The following ESRRG variants were observed in gnomAD, a reference collection of about 807,000 sequenced individuals.
The protein encoded by ESRRG is estrogen related receptor gamma, also known as estrogen-related receptor gamma.
In ESRRG, 13 loss-of-function variants were observed where a neutral mutation model predicts 44.0. That is an observed-to-expected ratio of 0.30 (90% CI 0.19 to 0.47). The LOEUF (loss-of-function observed/expected upper bound fraction) is 0.47, where lower values mean the gene tolerates loss of function less well. Among genes scored for constraint, ESRRG ranks in the 20% least tolerant of loss-of-function variants. The pLI, the probability that ESRRG is intolerant of heterozygous loss-of-function variation, is 1.00. For missense variants in ESRRG, 395 were observed against 580.6 expected, an observed-to-expected ratio of 0.68 and a Z score of 3.29; for synonymous variants, 215 against 214.6, an observed-to-expected ratio of 1.00 and a Z score of -0.02.
chr1:216,982,105 A>G (rs2074068951), intron 1 of ESRRG, among the ~76,000 whole-genome samples: 3 of 152,088 alleles, frequency 2.0e-5, no homozygotes, highest in African/African-American at 4.8e-5. Context: ...TGCCAGGACT[A>G]TTTTTTCCCT....
At chr1:216,854,826 G>GAA (rs11391128) in intron 2 of ESRRG, among the ~76,000 whole-genome samples, 1 of 151,738 alleles carries the variant, frequency 6.6e-6, no homozygotes, top group African/African-American at 2.4e-5. Context: ...CGGAAGGCAA[G>GAA]AAAAAAAAAT....
chr1:216,564,496 A>C, intron 4 of ESRRG, 116 bp from the exon 5 acceptor site: 2 of 750,176 alleles, frequency 2.7e-6, no homozygotes, highest in Non-Finnish European at 4.1e-6. Flanking sequence ...TAAACGCTAA[A>C]TATTCCAATT....
chr1:217,099,620 A>G (rs931054117), intron 1 of ESRRG, among the ~76,000 whole-genome samples: 1 of 152,210 alleles, frequency 6.6e-6, no homozygotes, highest in Non-Finnish European at 1.5e-5. Context: ...TCTCTGGTGC[A>G]AAAATGGTCA....
chr1:217,104,512 A>G (rs1014919840), intron 1 of ESRRG, among the ~76,000 whole-genome samples: 4 of 152,202 alleles, frequency 2.6e-5, no homozygotes, highest in Non-Finnish European at 4.4e-5. Flanking sequence ...TGTTCAGTGA[A>G]GGTAATTCCT....
intron 5 of ESRRG, among the ~76,000 whole-genome samples, chr1:216,533,278 TA>T (rs1290103966): frequency 4.3e-4 from 65 of 150,974 alleles, no homozygotes; most frequent in Admixed American, 4.3e-3. Flanking sequence ...GAAAAAAAAA[TA>T]AAAGGTATAT....
intron 1 of ESRRG, among the ~76,000 whole-genome samples, chr1:216,684,575 G>A (rs894580829): frequency 2.0e-5 from 3 of 152,078 alleles, no homozygotes; most frequent in African/African-American, 4.8e-5. Context: ...AATATAATGG[G>A]CACTCATGTA....
chr1:216,728,265 C>T (rs970768323), upstream of ESRRG, among the ~76,000 whole-genome samples: 6 of 152,120 alleles, frequency 3.9e-5, no homozygotes, highest in African/African-American at 7.2e-5. Context: ...ATGCAGAAAA[C>T]ATTCAAGGTC....
chr1:216,944,427 G>T (rs2065751633), intron 1 of ESRRG, among the ~76,000 whole-genome samples: 1 of 152,160 alleles, frequency 6.6e-6, no homozygotes, highest in South Asian at 2.1e-4. Context: ...GAAAAATTAA[G>T]AGAAAAGAAA....
At chr1:216,620,295 G>A (rs1402550779) in intron 3 of ESRRG, among the ~76,000 whole-genome samples, 3 of 152,094 alleles carry the variant, frequency 2.0e-5, no homozygotes, top group South Asian at 4.1e-4. Flanking sequence ...GATTTAATAC[G>A]TGTAAAGCAT....
chr1:217,133,645 C>CTTTCTTTCTTTTTTTCTT (rs1553294787), intron 1 of ESRRG, among the ~76,000 whole-genome samples: 1 of 91,728 alleles, frequency 1.1e-5, no homozygotes, highest in Non-Finnish European at 2.2e-5. Context: ...CTCTCTCTCT[C>CTTTCTTTCTTTTTTTCTT]TCTTTCTTTC....
intron 2 of ESRRG, among the ~76,000 whole-genome samples, chr1:216,742,942 G>C (rs960927168): frequency 6.6e-6 from 1 of 152,130 alleles, no homozygotes; most frequent in Non-Finnish European, 1.5e-5. Context: ...GGCAAAATGA[G>C]TGTAGCATTG....
chr1:217,034,712 T>C (rs1229139774), intron 1 of ESRRG, among the ~76,000 whole-genome samples: 1 of 152,206 alleles, frequency 6.6e-6, no homozygotes, highest in African/African-American at 2.4e-5. Context: ...AGGGCAGCGT[T>C]GGTCCACGCT....
intron 5 of ESRRG, among the ~76,000 whole-genome samples, chr1:216,555,375 G>C (rs957123489): frequency 6.6e-6 from 1 of 152,062 alleles, no homozygotes; most frequent in African/African-American, 2.4e-5. Context: ...AAAATGACTT[G>C]AATATTTCTT....
chr1:216,584,017 AGC>A (rs1404125197), intron 3 of ESRRG, among the ~76,000 whole-genome samples: 1 of 152,218 alleles, frequency 6.6e-6, no homozygotes, highest in Non-Finnish European at 1.5e-5. Flanking sequence ...ATGGGGACAC[AGC>A]CAAACCATAT....
intron 2 of ESRRG, among the ~76,000 whole-genome samples, chr1:216,785,965 A>G (rs1337450723): frequency 6.6e-6 from 1 of 152,148 alleles, no homozygotes; most frequent in East Asian, 1.9e-4. Context: ...AGGATAACAC[A>G]TCGCACGCCT....
At chr1:216,988,946 T>A (rs1452296696) in intron 1 of ESRRG, among the ~76,000 whole-genome samples, 2 of 152,160 alleles carry the variant, frequency 1.3e-5, no homozygotes, top group Non-Finnish European at 2.9e-5. Flanking sequence ...CTAAAATGGA[T>A]GAGAGTTAAC....
At chr1:216,963,599 C>A (rs1157471080) in intron 1 of ESRRG, among the ~76,000 whole-genome samples, 1 of 152,098 alleles carries the variant, frequency 6.6e-6, no homozygotes, top group Non-Finnish European at 1.5e-5. Flanking sequence ...TAAAATGAAG[C>A]TTTTAAAAAT....
chr1:216,743,631 C>G (rs1436928624), intron 2 of ESRRG, among the ~76,000 whole-genome samples: 1 of 151,476 alleles, frequency 6.6e-6, no homozygotes, highest in Non-Finnish European at 1.5e-5. Context: ...AGTGCTCTCA[C>G]CATTGCCATC....
chr1:217,130,623 AAT>A (rs1212091338), intron 1 of ESRRG, among the ~76,000 whole-genome samples: 1 of 152,194 alleles, frequency 6.6e-6, no homozygotes, highest in Non-Finnish European at 1.5e-5. Context: ...TCAATTAATG[AAT>A]ATGTGTAGGA....
Sources: gnomAD v4.1 joint callset for allele counts (sites outside exome capture counted in the v4.1 genomes callset) on GRCh38, gnomAD v4.1.1 for gene constraint, MANE v1.5 for transcripts, NCBI Gene and HGNC (gene_info 2026-07-23, HGNC 2026-07-21) for gene names.